PLCG2: variants seen among roughly 807,000 people sequenced by gnomAD.
PLCG2 encodes the protein phospholipase C gamma 2, also known as 1-phosphatidylinositol 4,5-bisphosphate phosphodiesterase gamma-2.
A neutral mutation model predicts 175.6 loss-of-function variants in PLCG2; 69 were observed. The ratio of observed to expected loss-of-function variants is 0.39; its 90% CI spans 0.32 to 0.48. The LOEUF (loss-of-function observed/expected upper bound fraction) is 0.48. Among genes scored for constraint, PLCG2 ranks in the 20% least tolerant of loss-of-function variants. The pLI is 0.91. For missense variants in PLCG2, 1,798 were observed against 1,650.9 expected (o/e 1.09, Z -1.54); for synonymous variants, 827 against 624.0 (o/e 1.33, Z -4.85).
intron 6 of PLCG2, among the ~76,000 whole-genome samples, chr16:81,869,908 C>G (rs1907432636): frequency 1.3e-5 from 2 of 152,146 alleles, no homozygotes; most frequent in African/African-American, 2.4e-5. Flanking sequence ...CAGGGAAATA[C>G]TCATTCTTCT....
intron 2 of PLCG2, among the ~76,000 whole-genome samples, chr16:81,803,558 C>CTTTCCT (rs1555507858): frequency 2.9e-4 from 38 of 132,474 alleles, no homozygotes; most frequent in Non-Finnish European, 4.2e-4. Context: ...CCTTTCTTTC[C>CTTTCCT]TTCCTTTCCT....
chr16:81,812,866 G>T (rs1158800685), intron 2 of PLCG2, among the ~76,000 whole-genome samples: 1 of 152,118 alleles, frequency 6.6e-6, no homozygotes, highest in Non-Finnish European at 1.5e-5. Context: ...GTGTAAGGAA[G>T]GGGTCCAGTT....
chr16:81,779,953 C>G (rs1360756242), intron 1 of PLCG2, among the ~76,000 whole-genome samples: 1 of 152,222 alleles, frequency 6.6e-6, no homozygotes, highest in Non-Finnish European at 1.5e-5. Context: ...CCGCAGCTGT[C>G]TGCGTAATTA....
intron 16 of PLCG2, 35 bp from the exon 17 acceptor site, chr16:81,908,381 G>A (rs747193940): frequency 1.3e-6 from 2 of 1,595,786 alleles, no homozygotes; most frequent in South Asian, 1.1e-5. Flanking sequence ...TTTGGTCCAA[G>A]GCTTTCAGAA....
intron 19 of PLCG2, among the ~76,000 whole-genome samples, chr16:81,914,236 A>T (rs1317853623): frequency 6.6e-6 from 1 of 152,226 alleles, no homozygotes; most frequent in African/African-American, 2.4e-5. Flanking sequence ...AAGCGGTGAG[A>T]CAGCTCTGAC....
chr16:81,788,442 G>C (rs375439405), intron 2 of PLCG2, among the ~76,000 whole-genome samples: 2 of 152,150 alleles, frequency 1.3e-5, no homozygotes, highest in Non-Finnish European at 2.9e-5. Flanking sequence ...CACCACGCCC[G>C]GCTAATTTTT....
At chr16:81,747,132 C>A (rs766439094) in intron 1 of PLCG2, among the ~76,000 whole-genome samples, 2 of 152,166 alleles carry the variant, frequency 1.3e-5, no homozygotes, top group Non-Finnish European at 2.9e-5. Flanking sequence ...AGTAATTTGG[C>A]AATAGCTTTC....
chr16:81,862,962 C>G (rs1907055478), intron 5 of PLCG2, among the ~76,000 whole-genome samples: 1 of 152,110 alleles, frequency 6.6e-6, no homozygotes, highest in Non-Finnish European at 1.5e-5. Context: ...GAAATCTTCC[C>G]TTCCCCACCC....
intron 31 of PLCG2, among the ~76,000 whole-genome samples, chr16:81,954,603 G>T (rs942694135): frequency 1.3e-5 from 2 of 152,182 alleles, no homozygotes; most frequent in Non-Finnish European, 1.5e-5. Context: ...TTCCATTCCT[G>T]TGTTAGTTTG....
chr16:81,897,548 C>CTTTTTT (rs10710027), intron 13 of PLCG2, among the ~76,000 whole-genome samples: 87 of 128,640 alleles, frequency 6.8e-4, no homozygotes, highest in East Asian at 1.5e-3. Context: ...CTTTTCTTTT[C>CTTTTTT]TTTTTTTTTT....
At chr16:81,758,175 G>A (rs907919542) in intron 2 of PLCG2, among the ~76,000 whole-genome samples, 8 of 151,996 alleles carry the variant, frequency 5.3e-5, no homozygotes, top group Non-Finnish European at 8.8e-5. Context: ...ATGGGGTTTC[G>A]CGGTGTTCCT....
At chr16:81,839,392 A>T (rs574487377) in intron 2 of PLCG2, among the ~76,000 whole-genome samples, 2 of 152,248 alleles carry the variant, frequency 1.3e-5, no homozygotes, top group Non-Finnish European at 2.9e-5. Context: ...GTATAATGAG[A>T]GTTTTCTGTG....
intron 31 of PLCG2, among the ~76,000 whole-genome samples, chr16:81,948,215 C>A (rs1461539806): frequency 3.7e-5 from 5 of 135,808 alleles, no homozygotes; most frequent in Admixed American, 7.2e-5. Flanking sequence ...TCAAATTGTT[C>A]TCTGCAAGTA....
At chr16:81,744,109 C>T (rs545433218) in intron 1 of PLCG2, among the ~76,000 whole-genome samples, 72 of 151,422 alleles carry the variant, frequency 4.8e-4, no homozygotes, top group African/African-American at 9.2e-4. Flanking sequence ...CCACCCGCCT[C>T]GGCCTCCCAA....
At chr16:81,891,081 T>C (rs1197822625) in intron 10 of PLCG2, among the ~76,000 whole-genome samples, 2 of 152,084 alleles carry the variant, frequency 1.3e-5, no homozygotes, top group Non-Finnish European at 2.9e-5. Flanking sequence ...GAGAATCGCT[T>C]CAACCCAGGA....
At position 81,922,010 on chromosome 16, in the gene PLCG2, A is replaced by T. The variant is rs193131700; in HGVS notation, c.2307+741A>T. 2.3e-4 allele frequency among the ~76,000 whole-genome samples: 35 copies of T among 152,310 alleles called. No homozygotes were observed. In the East Asian group the frequency reaches 6.8e-3, roughly 29 times the overall value. On this transcript the variant is annotated intron_variant, in intron 21 of 32. Transcript: ENST00000564138. ...CAAAAACTTTTGTTAGTAGTGAAGG[A>T]TGTTTTGGCGATGAGAACAGTCACC...
At chr16:81,934,664 G>C (rs1481145032) in intron 26 of PLCG2, 133 bp downstream of exon 26, 1 of 659,818 alleles carries the variant, frequency 1.5e-6, no homozygotes, top group Non-Finnish European at 2.7e-6. Flanking sequence ...GCCCCACCTT[G>C]GGTTTGTCCT....
chr16:81,889,038 G>GA, intron 9 of PLCG2, 134 bp from the exon 10 acceptor site: 1 of 607,118 alleles, frequency 1.6e-6, no homozygotes, highest in East Asian at 2.8e-5. Context: ...GCCTCAACAT[G>GA]TGGTGGTCGA....
At chr16:81,877,806 T>C (rs911705319) in intron 7 of PLCG2, among the ~76,000 whole-genome samples, 2 of 150,360 alleles carry the variant, frequency 1.3e-5, no homozygotes, top group East Asian at 3.9e-4. Flanking sequence ...TGTCATTGCA[T>C]CGCTCCTTGG....
Sources: allele counts gnomAD v4.1 joint callset (sites outside exome capture counted in the v4.1 genomes callset), GRCh38; gene constraint gnomAD v4.1.1; transcripts MANE v1.5; gene names NCBI Gene and HGNC (gene_info 2026-07-23, HGNC 2026-07-21).